The following CACNB2 variants were observed in gnomAD, a reference collection of about 807,000 sequenced individuals.
CACNB2 encodes calcium voltage-gated channel auxiliary subunit beta 2.
CACNB2 carries 42 observed loss-of-function variants against 73.3 expected under a neutral mutation model. The ratio of observed to expected loss-of-function variants is 0.57; its 90% CI spans 0.45 to 0.74. CACNB2 has a LOEUF of 0.74. Ranked by LOEUF, CACNB2 falls within the 30% of genes least tolerant of loss-of-function variation. The pLI is 0.00. For missense variants in CACNB2, 940 were observed against 853.0 expected (o/e 1.10, Z -1.27); for synonymous variants, 348 against 310.3 (o/e 1.12, Z -1.28).
chr10:18,509,759 C>T (rs1460499150), intron 6 of CACNB2, among the ~76,000 whole-genome samples: 1 of 152,118 alleles, frequency 6.6e-6, no homozygotes, highest in African/African-American at 2.4e-5. Flanking sequence ...CACTGCACTC[C>T]AGCCTGGGCC....
chr10:18,483,190 G>A (rs938302384), intron 3 of CACNB2, among the ~76,000 whole-genome samples: 1 of 151,814 alleles, frequency 6.6e-6, no homozygotes, highest in Admixed American at 6.6e-5. Flanking sequence ...AAAACATTTG[G>A]TTTGGGTCAT....
intron 2 of CACNB2, among the ~76,000 whole-genome samples, chr10:18,271,945 A>G (rs1323515630): frequency 6.6e-6 from 1 of 152,150 alleles, no homozygotes; most frequent in East Asian, 1.9e-4. Flanking sequence ...CCTGATTTCC[A>G]AACAATAAAC....
intron 10 of CACNB2, among the ~76,000 whole-genome samples, chr10:18,529,635 C>G (rs919204334): frequency 9.2e-5 from 14 of 152,154 alleles, no homozygotes; most frequent in Non-Finnish European, 1.5e-5. Context: ...TTCTGAAAAA[C>G]ATAGGTGCTT....
intron 3 of CACNB2, among the ~76,000 whole-genome samples, chr10:18,409,898 G>A (rs1298565676): frequency 6.6e-6 from 1 of 152,088 alleles, no homozygotes; most frequent in East Asian, 1.9e-4. Context: ...TGTTCAGTAT[G>A]TCACTCGCCT....
chr10:18,535,227 C>T (rs570732735), intron 11 of CACNB2, among the ~76,000 whole-genome samples: 1 of 152,222 alleles, frequency 6.6e-6, no homozygotes, highest in South Asian at 2.1e-4. Context: ...GGTTCAGATT[C>T]CACATAACAA....
chr10:18,538,556 C>T (rs537021845), intron 13 of CACNB2, among the ~76,000 whole-genome samples, 191 bp downstream of exon 13: 119 of 152,210 alleles, frequency 7.8e-4, no homozygotes, highest in African/African-American at 2.8e-3. Context: ...ATATTGGGAA[C>T]ATACACAGAC....
chr10:18,539,339 C>T lies in CACNB2; in HGVS notation c.1598C>T (p.Ser533Phe). 6.2e-7 allele frequency: 1 copy of T among 1,614,118 alleles called. No homozygotes were observed. Among genetic ancestry groups the T allele is most frequent in the Non-Finnish European group, 8.5e-7 (1 of 1,180,022 alleles). Residue 533 changes from serine to phenylalanine, a missense_variant, in exon 14 of 14, where the codon TCC becomes TTC. By Grantham distance (155) the Ser-to-Phe change is radical. Transcript: ENST00000324631. ...EPVKKSQHRS[S>F]SSAPHHNHRS... ...GTCAAGAAATCCCAGCACCGCTCTTCCTCCTCAGCCCCACACCACAACCAT... is the reference window on the plus strand; with the variant it reads ...GTCAAGAAATCCCAGCACCGCTCTTTCTCCTCAGCCCCACACCACAACCAT...
chr10:18,360,280 A>T (rs555812092), intron 2 of CACNB2, among the ~76,000 whole-genome samples: 1 of 152,318 alleles, frequency 6.6e-6, no homozygotes, highest in Admixed American at 6.5e-5. Flanking sequence ...GCTGGAGTGC[A>T]GTAGAGCAAT....
chr10:18,445,501 CAGG>C (rs1281217384), intron 3 of CACNB2, among the ~76,000 whole-genome samples: 1 of 152,134 alleles, frequency 6.6e-6, no homozygotes, highest in Non-Finnish European at 1.5e-5. Flanking sequence ...TTCCTATGTA[CAGG>C]AGATTTCCGA....
chr10:18,308,129 G>A (rs973668661), intron 2 of CACNB2, among the ~76,000 whole-genome samples: 6 of 151,404 alleles, frequency 4.0e-5, no homozygotes, highest in Admixed American at 2.6e-4. Flanking sequence ...GAGCAGCTAC[G>A]ATTACAGGCA....
intron 3 of CACNB2, among the ~76,000 whole-genome samples, chr10:18,474,628 C>T (rs1487764071): frequency 2.6e-5 from 4 of 152,142 alleles, no homozygotes; most frequent in Non-Finnish European, 5.9e-5. Context: ...CTGTGAAGCA[C>T]ATCTACCTTG....
In CACNB2 at chr10:18,536,731, G is replaced by A. The variant is rs115084744; in HGVS notation, c.1302+535G>A. ...TGATCATAGCTTACCAAAAGCTTCC[G>A]TACATCCTGCAGTAACTTCACTTTG... On this transcript the variant is annotated intron_variant, in intron 12 of 13. Coordinates refer to ENST00000324631, the MANE Select transcript of CACNB2 (RefSeq NM_201596.3). Among the ~76,000 whole-genome samples the A allele has an allele frequency of 6.4e-3, 974 of 152,238 alleles. 15 individuals carry two copies. Among genetic ancestry groups the A allele is most frequent in the African/African-American group, 0.022 (910 of 41,544 alleles).
At chr10:18,408,521 G>A (rs1474585462) in intron 3 of CACNB2, among the ~76,000 whole-genome samples, 1 of 152,024 alleles carries the variant, frequency 6.6e-6, no homozygotes, top group East Asian at 1.9e-4. Context: ...TTACAAGCAT[G>A]AGCCACTGTG....
intron 2 of CACNB2, chr10:18,400,568 C>A: frequency 9.8e-7 from 1 of 1,021,078 alleles, no homozygotes; most frequent in Non-Finnish European, 1.2e-6. Flanking sequence ...CCTCCCCCCT[C>A]CCCCTCGAGA....
Position 18,518,983 on chromosome 10 carries a change from A to T in CACNB2, c.944+15A>T, listed in dbSNP as rs748272637. The T allele has an allele frequency of 6.2e-7, 1 of 1,612,724 alleles. No individual in the cohort carries two copies. The highest frequency in any genetic ancestry group is 8.5e-7 in the Non-Finnish European group (1 of 1,178,796). Reference sequence around the variant, plus strand: ...TTTGAAGGGCGGTGAGTATTTCAGCATACTGGGTTTTGTGGATTTTGTCTT... The same window carrying T: ...TTTGAAGGGCGGTGAGTATTTCAGCTTACTGGGTTTTGTGGATTTTGTCTT... On this transcript the variant is annotated intron_variant, in intron 9 of 13. Coordinates refer to ENST00000324631, the MANE Select transcript of CACNB2 (RefSeq NM_201596.3).
intron 9 of CACNB2, among the ~76,000 whole-genome samples, chr10:18,521,097 A>G (rs2051835024): frequency 6.6e-6 from 1 of 152,232 alleles, no homozygotes; most frequent in South Asian, 2.1e-4. Flanking sequence ...ACTCTCTGCT[A>G]GAGAAATGCG....
intron 2 of CACNB2, among the ~76,000 whole-genome samples, chr10:18,266,663 C>T (rs955371732): frequency 4.2e-4 from 64 of 152,092 alleles, no homozygotes; most frequent in African/African-American, 1.5e-3. Context: ...CCGAGATGAG[C>T]AGATAACTTG....
At chr10:18,334,827 A>T (rs928165712) in intron 2 of CACNB2, among the ~76,000 whole-genome samples, 3 of 152,188 alleles carry the variant, frequency 2.0e-5, no homozygotes, top group African/African-American at 7.2e-5. Context: ...GGTGTGCCAG[A>T]TGTGTACTAG....
intron 2 of CACNB2, among the ~76,000 whole-genome samples, chr10:18,169,562 A>G (rs2033091634): frequency 6.6e-6 from 1 of 152,194 alleles, no homozygotes; most frequent in African/African-American, 2.4e-5. Flanking sequence ...TCTGAGTTCA[A>G]CCTCAATTTA....
Sources: allele counts gnomAD v4.1 joint callset (sites outside exome capture counted in the v4.1 genomes callset), GRCh38; gene constraint gnomAD v4.1.1; transcripts MANE v1.5; gene names NCBI Gene and HGNC (gene_info 2026-07-23, HGNC 2026-07-21).